The following NCOA1 variants were observed in gnomAD, a reference collection of about 807,000 sequenced individuals.
NCOA1 encodes Hin-2 protein.
NCOA1 carries 35 observed loss-of-function variants against 150.9 expected under a neutral mutation model. The observed-to-expected ratio is 0.23, with a 90% confidence interval of 0.18 to 0.31. NCOA1 has a LOEUF of 0.31. Among genes scored for constraint, NCOA1 ranks in the 10% least tolerant of loss-of-function variants. The pLI is 1.00. For missense variants in NCOA1, 1,491 were observed against 1,749.3 expected, an observed-to-expected ratio of 0.85 and a Z score of 2.63; for synonymous variants, 590 against 630.0, an observed-to-expected ratio of 0.94 and a Z score of 0.95.
chr2:24,537,509 T>G (rs1158667911), intron 1 of NCOA1, among the ~76,000 whole-genome samples: 1 of 151,880 alleles, frequency 6.6e-6, no homozygotes, highest in Non-Finnish European at 1.5e-5. Context: ...TCTCTCTCTC[T>G]CTCTCTGTAT....
At chr2:24,540,790 T>C (rs1001902999) in intron 1 of NCOA1, among the ~76,000 whole-genome samples, 3 of 152,074 alleles carry the variant, frequency 2.0e-5, no homozygotes, top group East Asian at 3.9e-4. Context: ...TCCAGTGATA[T>C]AATGAGATCC....
At chr2:24,523,484 T>TA (rs1167040759) in intron 1 of NCOA1, among the ~76,000 whole-genome samples, 1 of 150,570 alleles carries the variant, frequency 6.6e-6, no homozygotes, top group Non-Finnish European at 1.5e-5. Flanking sequence ...TGGGTGCCTG[T>TA]AGTTCCAGCT....
chr2:24,658,854 G>C, intron 5 of NCOA1, 88 bp downstream of exon 5: 1 of 1,178,524 alleles, frequency 8.5e-7, no homozygotes, highest in Non-Finnish European at 1.2e-6. Context: ...TCTACTCCAA[G>C]TTCAGTGGCT....
rs1665205797 is a variant in NCOA1 at position 24,768,976 on chromosome 2, T to A, written c.*585T>A. The A allele has an allele frequency of 4.7e-6, 1 of 213,454 alleles. No homozygotes were observed. Among genetic ancestry groups the A allele is most frequent in the African/African-American group, 2.3e-5 (1 of 44,152 alleles). 13.2% of individuals were successfully genotyped at this position (213,454 alleles called of 1,614,324 possible). On this transcript the variant is annotated 3_prime_UTR_variant, in exon 23 of 23. Transcript: ENST00000348332. ...CCACATATGTACCCCTTCTCCTTTT[T>A]TTAAAGATGGATTTAAACCAAGATG...
chr2:24,544,832 C>T (rs1447617679), intron 1 of NCOA1, among the ~76,000 whole-genome samples: 1 of 152,086 alleles, frequency 6.6e-6, no homozygotes, highest in African/African-American at 2.4e-5. Flanking sequence ...ATTCAAAAAA[C>T]ATTGCACATG....
intron 8 of NCOA1, among the ~76,000 whole-genome samples, chr2:24,689,582 C>A (rs1672567418): frequency 6.6e-6 from 1 of 152,070 alleles, no homozygotes; most frequent in Non-Finnish European, 1.5e-5. Context: ...TTAGTAGAGA[C>A]AGGGTTTCAC....
chr2:24,516,386 G>T (rs1365499583), intron 1 of NCOA1, among the ~76,000 whole-genome samples: 3 of 151,256 alleles, frequency 2.0e-5, no homozygotes, highest in Middle Eastern at 3.4e-3. Flanking sequence ...TAGAGACGGG[G>T]TTTCACCATG....
chr2:24,754,478 T>C (rs1206127013), intron 20 of NCOA1, among the ~76,000 whole-genome samples: 1 of 152,204 alleles, frequency 6.6e-6, no homozygotes, highest in Non-Finnish European at 1.5e-5. Context: ...TTGCATTTTT[T>C]AATCTCTCTG....
At chr2:24,531,347 G>A (rs1003425928) in intron 1 of NCOA1, among the ~76,000 whole-genome samples, 4 of 152,070 alleles carry the variant, frequency 2.6e-5, no homozygotes, top group Non-Finnish European at 5.9e-5. Flanking sequence ...CAGCCAATGC[G>A]TGGGTAAAGA....
chr2:24,492,783 ATC>A (rs1484590913), intron 1 of NCOA1, among the ~76,000 whole-genome samples: 2 of 152,130 alleles, frequency 1.3e-5, no homozygotes, highest in Non-Finnish European at 2.9e-5. Context: ...GCCAAGAGGA[ATC>A]TCTGTGGCGA....
chr2:24,532,368 G>A (rs1664936472), intron 1 of NCOA1, among the ~76,000 whole-genome samples: 1 of 151,994 alleles, frequency 6.6e-6, no homozygotes, highest in African/African-American at 2.4e-5. Flanking sequence ...TGTCAGATGG[G>A]TATATTGCAA....
chr2:24,634,672 A>C (rs1669853841), intron 3 of NCOA1, among the ~76,000 whole-genome samples: 2 of 128,628 alleles, frequency 1.6e-5, no homozygotes, highest in African/African-American at 6.1e-5. Context: ...TGCTCCATCC[A>C]TCTCAGGTCT....
chr2:24,553,224 CTT>C (rs1316810810), intron 1 of NCOA1, among the ~76,000 whole-genome samples: 8 of 138,026 alleles, frequency 5.8e-5, no homozygotes, highest in Non-Finnish European at 9.6e-5. Context: ...CAAATGCCTT[CTT>C]TTTTTTTTTT....
In NCOA1 at chr2:24,629,809, C is replaced by CAT. The variant is rs1281547183; in HGVS notation, c.-174-14155_-174-14154dup. On this transcript the variant is annotated intron_variant, in intron 3 of 22. Coordinates refer to ENST00000348332, the MANE Select transcript of NCOA1 (RefSeq NM_003743.5). ...ATGTGCCAGACACTGTTTTAAGTAA[C>CAT]ATACATACATATATATATATATATA... 5.3e-3 allele frequency among the ~76,000 whole-genome samples: 512 copies of CAT among 97,302 alleles called. 4 individuals carry two copies. The highest frequency in any genetic ancestry group is 0.028 in the East Asian group (103 of 3,688). 63.8% of individuals were successfully genotyped at this position (97,302 alleles called of 152,430 possible).
intron 20 of NCOA1, among the ~76,000 whole-genome samples, chr2:24,756,071 T>TAA (rs369987098): frequency 0.01 from 1,098 of 108,078 alleles, 15 homozygotes; most frequent in East Asian, 0.021. Context: ...CCATCTCTAC[T>TAA]AAAAAAAAAA....
intron 1 of NCOA1, among the ~76,000 whole-genome samples, chr2:24,557,165 C>T (rs550723400): frequency 4.9e-4 from 23 of 47,018 alleles, no homozygotes; most frequent in East Asian, 0.012. Flanking sequence ...GGGGTAGCAA[C>T]GGTGGGTTGG....
Position 24,632,096 on chromosome 2 carries a change from TAAAC to T in NCOA1, c.-174-11867_-174-11864del, listed in dbSNP as rs574920987. On this transcript the variant is annotated intron_variant, in intron 3 of 22. Transcript: ENST00000348332. ...TTCACTCTCAAAACAGCAGTTTAGT[TAAAC>T]AACAACAAAAATAGGATAAATAAGG... Among the ~76,000 whole-genome samples the T allele has an allele frequency of 7.7e-3, 1,165 of 152,234 alleles. 16 individuals carry two copies. The highest frequency in any genetic ancestry group is 0.027 in the African/African-American group (1,107 of 41,526).
intron 4 of NCOA1, among the ~76,000 whole-genome samples, chr2:24,650,125 G>A (rs1370374329): frequency 6.6e-6 from 1 of 152,064 alleles, no homozygotes; most frequent in East Asian, 1.9e-4. Flanking sequence ...AAGAACGTTG[G>A]CAGTGATTTA....
intron 1 of NCOA1, among the ~76,000 whole-genome samples, chr2:24,559,598 G>A (rs897559074): frequency 7.2e-5 from 11 of 152,134 alleles, no homozygotes; most frequent in African/African-American, 2.7e-4. Context: ...GGCATCAACT[G>A]GGCTCTCTCA....
Sources: gnomAD v4.1 joint callset for allele counts (sites outside exome capture counted in the v4.1 genomes callset) on GRCh38, gnomAD v4.1.1 for gene constraint, MANE v1.5 for transcripts, NCBI Gene and HGNC (gene_info 2026-07-23, HGNC 2026-07-21) for gene names.